The following TMED5 variants were observed in gnomAD, a reference collection of about 807,000 sequenced individuals.
TMED5 encodes transmembrane emp24 domain-containing protein 5.
In TMED5, 27 loss-of-function variants were observed where a neutral mutation model predicts 23.0. The ratio of observed to expected loss-of-function variants is 1.17; its 90% CI spans 0.86 to 1.62. The LOEUF is 1.62. TMED5 is among the 40% of genes most tolerant of loss of function. The pLI, the probability that TMED5 is intolerant of heterozygous loss-of-function variation, is 0.00. For missense variants in TMED5, 248 were observed against 273.7 expected (o/e 0.91, Z 0.66); for synonymous variants, 97 against 100.8 (o/e 0.96, Z 0.23).
intron 1 of TMED5, among the ~76,000 whole-genome samples, chr1:93,177,874 T>C (rs1648975769): frequency 6.6e-6 from 1 of 152,142 alleles, no homozygotes; most frequent in East Asian, 1.9e-4. Context: ...AAGTTTTAAG[T>C]AGGCAGAGTC....
Position 93,154,602 on chromosome 1 carries a change from C to A in TMED5, c.*68G>T. 1.8e-6 allele frequency: 2 copies of A among 1,108,376 alleles called. No homozygotes were observed. The highest frequency in any genetic ancestry group is 2.7e-5 in the South Asian group (2 of 73,166). The allele number at this position is 1,108,376 out of a possible 1,614,324, so 68.7% of individuals were successfully genotyped here. ...TATTTTGGAGAAGACCATTAATGGTCTTGACTGTAACAGTTTATTGCATTT... is the reference window on the plus strand; with the variant it reads ...TATTTTGGAGAAGACCATTAATGGTATTGACTGTAACAGTTTATTGCATTT... On this transcript the variant is annotated 3_prime_UTR_variant, in exon 4 of 4. Transcript: ENST00000370282.
At chr1:93,158,406 AATT>A (rs1648149733) in intron 2 of TMED5, among the ~76,000 whole-genome samples, 2 of 152,176 alleles carry the variant, frequency 1.3e-5, no homozygotes, top group Non-Finnish European at 2.9e-5. Context: ...ATTTTCTCCC[AATT>A]ATTTAATGAG....
At chr1:93,172,314 CA>C (rs906433082) in intron 1 of TMED5, among the ~76,000 whole-genome samples, 14 of 149,276 alleles carry the variant, frequency 9.4e-5, no homozygotes, top group African/African-American at 3.2e-4. Flanking sequence ...AAAGAACTGC[CA>C]AAAAAAAACC....
intron 2 of TMED5, among the ~76,000 whole-genome samples, chr1:93,159,860 G>T (rs936628457): frequency 3.3e-5 from 5 of 152,178 alleles, no homozygotes. Flanking sequence ...TGCCACGATA[G>T]ATTGAATGGA....
chr1:93,160,015 ATATGGAAT>A, intron 2 of TMED5, 106 bp downstream of exon 2: 2 of 605,970 alleles, frequency 3.3e-6, no homozygotes, highest in Non-Finnish European at 6.0e-6. Flanking sequence ...GTTTTAAATC[ATATGGAAT>A]TATCTAATAT....
Position 93,160,229 on chromosome 1 carries a change from G to C in TMED5, c.190-3C>G, listed in dbSNP as rs766685730. 6.3e-7 allele frequency: 1 copy of C among 1,583,298 alleles called. No homozygotes were observed. The highest frequency in any genetic ancestry group is 1.1e-5 in the South Asian group (1 of 89,900). On this transcript the variant is annotated splice_polypyrimidine_tract_variant and splice_region_variant and intron_variant, in intron 1 of 3. Coordinates refer to ENST00000370282, the MANE Select transcript of TMED5 (RefSeq NM_016040.5). ...TCTAATCCTGCTCCATCTAAAACCT[G>C]TAGAAAAGCATACATGAGAAAAACA...
intron 1 of TMED5, among the ~76,000 whole-genome samples, chr1:93,169,450 T>C (rs899779400): frequency 3.4e-4 from 51 of 151,940 alleles, no homozygotes; most frequent in African/African-American, 1.2e-3. Flanking sequence ...GATGAACTTA[T>C]TAGAAAAGAA....
At chr1:93,178,595 C>A (rs1304080434) in intron 1 of TMED5, among the ~76,000 whole-genome samples, 1 of 152,138 alleles carries the variant, frequency 6.6e-6, no homozygotes, top group Non-Finnish European at 1.5e-5. Context: ...CCCTCCGTCT[C>A]CCCCACCTCC....
At position 93,156,323 on chromosome 1, in the gene TMED5, C is replaced by T; in HGVS notation, c.448G>A (p.Asp150Asn). Residue 150 changes from aspartate to asparagine, a missense_variant, in exon 3 of 4, where the codon GAT becomes AAT. Transcript: ENST00000370282. ...ACCAGGATGTCTTCCAGTTTCATAT[C>T]CAATATATCTGTGCCAGTAATATAT... ...KKYITGTDIL[D>N]MKLEDILESI... 5 of 1,613,636 alleles carry T rather than the reference C, an allele frequency of 3.1e-6. No homozygotes were observed. The highest frequency in any genetic ancestry group is 4.2e-6 in the Non-Finnish European group (5 of 1,179,746).
chr1:93,172,679 A>G (rs1363996079), intron 1 of TMED5, among the ~76,000 whole-genome samples: 1 of 152,148 alleles, frequency 6.6e-6, no homozygotes, highest in Non-Finnish European at 1.5e-5. Context: ...GTACAGCCCT[A>G]TGGAAAACAA....
chr1:93,178,506 G>A (rs113569572), intron 1 of TMED5, among the ~76,000 whole-genome samples: 4 of 152,194 alleles, frequency 2.6e-5, no homozygotes, highest in African/African-American at 4.8e-5. Context: ...CTGTTTATGA[G>A]CCAGTAACCT....
chr1:93,154,404 A>G lies in TMED5; in HGVS notation c.*266T>C, dbSNP rs1435451757. 2 of 410,638 alleles carry G rather than the reference A, an allele frequency of 4.9e-6. No individual in the cohort carries two copies. The highest frequency in any genetic ancestry group is 8.6e-6 in the Non-Finnish European group (2 of 231,448). The allele number at this position is 410,638 out of a possible 1,614,324, so 25.4% of individuals were successfully genotyped here. On this transcript the variant is annotated 3_prime_UTR_variant, in exon 4 of 4. Coordinates refer to ENST00000370282, the MANE Select transcript of TMED5 (RefSeq NM_016040.5). The stretch of plus-strand genomic sequence containing the variant: ...CCTAAGACATTTGCAAAATTTTTCA[A>G]AGTTAGGAAAATGCAGTTATTAATA...
At chr1:93,176,300 T>A (rs1159237108) in intron 1 of TMED5, among the ~76,000 whole-genome samples, 2 of 152,164 alleles carry the variant, frequency 1.3e-5, no homozygotes, top group Non-Finnish European at 2.9e-5. Context: ...GTACCACTCA[T>A]TCCATTATGC....
Position 93,151,754 on chromosome 1 carries a change from G to T in TMED5, c.*2916C>A, listed in dbSNP as rs1486716705. On this transcript the variant is annotated 3_prime_UTR_variant, in exon 4 of 4. Coordinates refer to ENST00000370282, the MANE Select transcript of TMED5 (RefSeq NM_016040.5). Reference sequence around the variant, plus strand: ...CAATAAGAGGTGTAGAGAGCTATGGGGTTTCAAAACAGGAGGAGAGAGCAC... The same window carrying T: ...CAATAAGAGGTGTAGAGAGCTATGGTGTTTCAAAACAGGAGGAGAGAGCAC... 6.6e-6 allele frequency: 1 copy of T among 152,088 alleles called. No individual in the cohort carries two copies. The highest frequency in any genetic ancestry group is 2.4e-5 in the African/African-American group (1 of 41,404). The allele number at this position is 152,088 out of a possible 1,614,324, so 9.4% of individuals were successfully genotyped here.
At chr1:93,178,982 A>C (rs1649086328) in intron 1 of TMED5, among the ~76,000 whole-genome samples, 1 of 152,234 alleles carries the variant, frequency 6.6e-6, no homozygotes, top group Non-Finnish European at 1.5e-5. Flanking sequence ...CTGTGGAACG[A>C]ACAAGATTTC....
rs143098619 is a variant in TMED5, at chr1:93,159,798, T to C, written c.287+331A>G. On this transcript the variant is annotated intron_variant, in intron 2 of 3. Transcript: ENST00000370282. ...ACTTTAAGACATATACCTGGAACAG[T>C]AGCTTTAAGTTAAAATAGAAAGCTT... Among the ~76,000 whole-genome samples, 423 of 152,288 alleles carry C rather than the reference T, an allele frequency of 2.8e-3. 3 individuals are homozygous for C. The highest frequency in any genetic ancestry group is 9.6e-3 in the African/African-American group (401 of 41,570).
chr1:93,170,620 G>C (rs946213858), intron 1 of TMED5, among the ~76,000 whole-genome samples: 2 of 152,200 alleles, frequency 1.3e-5, no homozygotes, highest in African/African-American at 2.4e-5. Flanking sequence ...GCAGGCGCAC[G>C]GCATGGGACT....
rs561985022 is a variant in TMED5, at chr1:93,172,974, G to T, written c.189+7080C>A. 2.4e-3 allele frequency among the ~76,000 whole-genome samples: 358 copies of T among 152,284 alleles called. 1 individual carries two copies. Among genetic ancestry groups the T allele is most frequent in the Non-Finnish European group, 4.2e-3 (284 of 68,018 alleles). On this transcript the variant is annotated intron_variant, in intron 1 of 3. Coordinates refer to ENST00000370282, the MANE Select transcript of TMED5 (RefSeq NM_016040.5). ...AGACAAATACTGCATTATCTCATATGTGGAATTCCTAGAATTCCATACAGT... is the reference window on the plus strand; with the variant it reads ...AGACAAATACTGCATTATCTCATATTTGGAATTCCTAGAATTCCATACAGT...
At chr1:93,172,999 T>C (rs1405276728) in intron 1 of TMED5, among the ~76,000 whole-genome samples, 1 of 152,178 alleles carries the variant, frequency 6.6e-6, no homozygotes, top group Non-Finnish European at 1.5e-5. Context: ...TTCCATACAG[T>C]TCCATTCCTA....
Sources: gnomAD v4.1 joint callset for allele counts (sites outside exome capture counted in the v4.1 genomes callset) on GRCh38, gnomAD v4.1.1 for gene constraint, MANE v1.5 for transcripts, NCBI Gene and HGNC (gene_info 2026-07-23, HGNC 2026-07-21) for gene names.